The following TBC1D31 variants were observed in gnomAD, a reference collection of about 807,000 sequenced individuals.
TBC1D31 encodes WD repeat domain 67.
TBC1D31 carries 99 observed loss-of-function variants against 132.9 expected under a neutral mutation model. That is an observed-to-expected ratio of 0.74 (90% CI 0.63 to 0.88). TBC1D31 has a LOEUF of 0.88. TBC1D31 is among the 40% of genes least tolerant of loss of function. The pLI, the probability that TBC1D31 is intolerant of heterozygous loss-of-function variation, is 0.00. For missense variants in TBC1D31, 1,134 were observed against 1,256.6 expected, an observed-to-expected ratio of 0.90 and a Z score of 1.48; for synonymous variants, 385 against 419.4, an observed-to-expected ratio of 0.92 and a Z score of 1.00.
chr8:123,081,952 A>G (rs34576847), intron 2 of TBC1D31, among the ~76,000 whole-genome samples: 58,432 of 152,154 alleles, frequency 0.38, 11,588 homozygotes, highest in Non-Finnish European at 0.42. Context: ...AGCGTATCAT[A>G]TATTATCAAG....
chr8:123,151,337 G>C (rs949496497), intron 21 of TBC1D31, among the ~76,000 whole-genome samples: 29 of 152,236 alleles, frequency 1.9e-4, no homozygotes, highest in Admixed American at 7.8e-4. Flanking sequence ...TGGACATGTT[G>C]TAGTATTTTA....
At chr8:123,142,692 G>A (rs544854409) in intron 19 of TBC1D31, among the ~76,000 whole-genome samples, 46 of 152,174 alleles carry the variant, frequency 3.0e-4, no homozygotes, top group South Asian at 2.1e-4. Context: ...ATACCAAGTC[G>A]TTTTTGCTGG....
intron 10 of TBC1D31, among the ~76,000 whole-genome samples, chr8:123,119,700 A>G (rs35794820): frequency 0.42 from 64,091 of 151,994 alleles, 14,638 homozygotes; most frequent in African/African-American, 0.59. Context: ...GTGACAGAGC[A>G]AGGCCCTGTT....
chr8:123,128,013 G>C (rs1172152072), intron 13 of TBC1D31: 2 of 243,580 alleles, frequency 8.2e-6, no homozygotes, highest in African/African-American at 4.5e-5. Flanking sequence ...AGCAGAGTTT[G>C]TTCCATTGTT....
At position 123,084,169 on chromosome 8, in the gene TBC1D31, G is replaced by A. The variant is rs2129888098; in HGVS notation, c.348G>A (p.Lys116=). The part of the protein sequence containing the change: ...YSIKCFDTVT[K]ELVSWMRGHE... Reference sequence around the variant, plus strand: ...TTTTACTTTTTACCACAGTCACCAAGGAGCTAGTTAGCTGGATGAGAGGAC... The same window carrying A: ...TTTTACTTTTTACCACAGTCACCAAAGAGCTAGTTAGCTGGATGAGAGGAC... Residue 116 remains lysine (K), a synonymous_variant, in exon 4 of 22, where the codon AAG becomes AAA. Coordinates refer to ENST00000287380, the MANE Select transcript of TBC1D31 (RefSeq NM_145647.4). 1 of 1,613,904 alleles carries A rather than the reference G, an allele frequency of 6.2e-7. No individual in the cohort carries two copies. The highest frequency in any genetic ancestry group is 8.5e-7 in the Non-Finnish European group (1 of 1,179,938).
At chr8:123,119,937 TAGA>T (rs1290961379) in intron 10 of TBC1D31, 115 bp from the exon 11 acceptor site, 3 of 801,528 alleles carry the variant, frequency 3.7e-6, no homozygotes, top group Non-Finnish European at 5.7e-6. Context: ...AGAGGTGAAC[TAGA>T]TGATAGGGGT....
intron 11 of TBC1D31, among the ~76,000 whole-genome samples, chr8:123,125,256 C>A (rs959506689): frequency 1.3e-5 from 2 of 152,162 alleles, no homozygotes; most frequent in Non-Finnish European, 2.9e-5. Context: ...AACCGATGGT[C>A]TTATATACGG....
intron 6 of TBC1D31, 63 bp from the exon 7 acceptor site, chr8:123,100,744 T>C: frequency 7.8e-7 from 1 of 1,277,818 alleles, no homozygotes; most frequent in Non-Finnish European, 1.1e-6. Flanking sequence ...GACGTGTATA[T>C]AGTAGGACTT....
intron 16 of TBC1D31, among the ~76,000 whole-genome samples, chr8:123,132,697 T>TG (rs1377914314): frequency 2.1e-4 from 32 of 152,140 alleles, no homozygotes; most frequent in Admixed American, 1.8e-3. Flanking sequence ...TACAGGCACC[T>TG]GGCCTAAGTC....
chr8:123,125,146 A>C (rs1209064657), intron 11 of TBC1D31, among the ~76,000 whole-genome samples: 1 of 152,164 alleles, frequency 6.6e-6, no homozygotes, highest in Non-Finnish European at 1.5e-5. Flanking sequence ...TGCTATTTTG[A>C]GATAGGAGAT....
intron 11 of TBC1D31, among the ~76,000 whole-genome samples, chr8:123,122,922 T>A (rs1330548848): frequency 6.6e-6 from 1 of 152,136 alleles, no homozygotes; most frequent in Non-Finnish European, 1.5e-5. Flanking sequence ...TTATCAAGGG[T>A]CTCAAAGTAG....
At chr8:123,159,268 G>GGAAAAAAAAAAAAA in the TBC1D31 span, among the ~76,000 whole-genome samples, 1 of 93,932 alleles carries the variant, frequency 1.1e-5, no homozygotes, top group Non-Finnish European at 2.2e-5. Flanking sequence ...ATTTGAACAG[G>GGAAAAAAAAAAAAA]AAAAAAAAAA....
At chr8:123,153,785 C>A (rs1214900819), downstream of TBC1D31, among the ~76,000 whole-genome samples, 1 of 152,208 alleles carries the variant, frequency 6.6e-6, no homozygotes, top group Middle Eastern at 3.2e-3. Context: ...CAAAAAGTTT[C>A]TCTCCATTAC....
In TBC1D31 at chr8:123,130,198, G is replaced by A. The variant is rs769188817; in HGVS notation, c.2271G>A (p.Arg757=). The A allele has an allele frequency of 2.5e-6, 4 of 1,606,254 alleles. No individual in the cohort carries two copies. The Admixed American group carries it at 6.9e-5, about 28-fold the overall frequency. ...EEEKMIQQRQ[R]LAAVKRELKV... is the part of the protein sequence containing the mutation. ...CCACTTGATGTATTTTGTATTTAAG[G>A]CTAGCTGCTGTGAAAAGAGAGCTGA... is the stretch of plus-strand genomic sequence containing the variant. Residue 757 remains arginine, a splice_region_variant and synonymous_variant, in exon 16 of 22, where the codon AGG becomes AGA. Coordinates refer to ENST00000287380, the MANE Select transcript of TBC1D31 (RefSeq NM_145647.4).
At chr8:123,094,919 T>A (rs1212276170) in intron 5 of TBC1D31, among the ~76,000 whole-genome samples, 14 of 152,246 alleles carry the variant, frequency 9.2e-5, no homozygotes, top group Admixed American at 8.5e-4. Context: ...CATCCTTGAT[T>A]GGTCTAATAA....
chr8:123,109,255 C>A, intron 8 of TBC1D31, 62 bp from the exon 9 acceptor site: 1 of 1,236,872 alleles, frequency 8.1e-7, no homozygotes, highest in Non-Finnish European at 1.2e-6. Context: ...ACTAGATTAC[C>A]TTTGTCACCT....
downstream of TBC1D31, among the ~76,000 whole-genome samples, chr8:123,157,076 G>A (rs1351941727): frequency 5.3e-5 from 8 of 152,252 alleles, no homozygotes; most frequent in African/African-American, 9.6e-5. Flanking sequence ...GCCGCAGTGC[G>A]AGGGTGGTCT....
At position 123,129,228 on chromosome 8, in the gene TBC1D31, ATCACTTT is replaced by A; in HGVS notation, c.2270+11_2270+17del. 6.7e-7 allele frequency: 1 copy of A among 1,488,532 alleles called. No individual in the cohort carries two copies. The allele number at this position is 1,488,532 out of a possible 1,614,324, so 92.2% of individuals were successfully genotyped here. On this transcript the variant is annotated intron_variant, in intron 15 of 21. Coordinates refer to ENST00000287380, the MANE Select transcript of TBC1D31 (RefSeq NM_145647.4). ...TACAACAAAGACAGAGGTATGTGTT[ATCACTTT>A]AAAAAAAAATCTGGACATATAAGTT...
At chr8:123,117,752 C>CAAA (rs71310657) in intron 10 of TBC1D31, among the ~76,000 whole-genome samples, 46 of 89,922 alleles carry the variant, frequency 5.1e-4, no homozygotes, top group South Asian at 2.0e-3. Flanking sequence ...AACTCCGTCT[C>CAAA]AAAAAAAAAA....
Sources: gnomAD v4.1 joint callset for allele counts (sites outside exome capture counted in the v4.1 genomes callset) on GRCh38, gnomAD v4.1.1 for gene constraint, MANE v1.5 for transcripts, NCBI Gene and HGNC (gene_info 2026-07-23, HGNC 2026-07-21) for gene names.